KCTD20: variants seen among roughly 807,000 people sequenced by gnomAD.
KCTD20 encodes the protein potassium channel tetramerization domain containing 20.
Under a neutral mutation model 39.6 loss-of-function variants are expected in KCTD20, and 30 were observed. The ratio of observed to expected loss-of-function variants is 0.76; its 90% CI spans 0.57 to 1.03. KCTD20 has a LOEUF of 1.03. Among genes scored for constraint, KCTD20 ranks in the 50% least tolerant of loss-of-function variants. KCTD20 has a pLI of 0.00. For missense variants in KCTD20, 422 were observed against 522.0 expected, an observed-to-expected ratio of 0.81 and a Z score of 1.87; for synonymous variants, 162 against 180.6, an observed-to-expected ratio of 0.90 and a Z score of 0.83.
intron 1 of KCTD20, among the ~76,000 whole-genome samples, chr6:36,460,700 G>A (rs1449184747): frequency 6.6e-6 from 1 of 152,158 alleles, no homozygotes; most frequent in Non-Finnish European, 1.5e-5. Flanking sequence ...TATTTAAAGA[G>A]GAAAGGTGCT....
intron 1 of KCTD20, among the ~76,000 whole-genome samples, chr6:36,458,448 G>A (rs181863582): frequency 1.6e-3 from 236 of 150,594 alleles, no homozygotes; most frequent in Middle Eastern, 6.9e-3. Flanking sequence ...GGCTAAGGCA[G>A]GAGAATTGCT....
chr6:36,447,889 G>A (rs1775100074), intron 1 of KCTD20, among the ~76,000 whole-genome samples: 1 of 151,440 alleles, frequency 6.6e-6, no homozygotes, highest in Admixed American at 6.6e-5. Flanking sequence ...TACTCTGGAG[G>A]CCAGGGCAGG....
At position 36,474,959 on chromosome 6, in the gene KCTD20, T is replaced by C; in HGVS notation, c.331T>C (p.Ser111Pro). 6.2e-7 allele frequency: 1 copy of C among 1,614,120 alleles called. No individual in the cohort carries two copies. ...CAGTAGTGTGGGCTTTGGCAGTAAT[T>C]CCCATTCCCAAGCACCAGAGAAAGT... Reference protein sequence around the residue: ...GNSSVGFGSNSHSQAPEKVTL... With the variant: ...GNSSVGFGSNPHSQAPEKVTL... Residue 111 changes from serine to proline, a missense_variant, in exon 3 of 8, where the codon TCC (serine) becomes CCC (proline). Physicochemically the swap from Ser to Pro is moderately conservative, Grantham distance 74. Coordinates refer to ENST00000373731, the MANE Select transcript of KCTD20 (RefSeq NM_173562.5).
chr6:36,475,150 A>G (rs1469208567), intron 3 of KCTD20, 88 bp downstream of exon 3: 1 of 1,426,508 alleles, frequency 7.0e-7, no homozygotes, highest in East Asian at 2.3e-5. Context: ...TATAACAGTA[A>G]AAAGTATTGT....
intron 1 of KCTD20, among the ~76,000 whole-genome samples, chr6:36,450,635 C>T (rs2127428893): frequency 6.6e-6 from 1 of 152,238 alleles, no homozygotes; most frequent in East Asian, 1.9e-4. Flanking sequence ...CTTTTGTATA[C>T]CCTGAGAAGC....
intron 1 of KCTD20, among the ~76,000 whole-genome samples, chr6:36,458,603 G>C (rs1775510457): frequency 6.6e-6 from 1 of 150,806 alleles, no homozygotes; most frequent in Admixed American, 6.6e-5. Context: ...GGCTGGTCTT[G>C]AACTCCTGGG....
At chr6:36,448,921 A>T (rs1470345618) in intron 1 of KCTD20, among the ~76,000 whole-genome samples, 1 of 151,166 alleles carries the variant, frequency 6.6e-6, no homozygotes, top group Non-Finnish European at 1.5e-5. Flanking sequence ...AGTGAGTGTT[A>T]CAGCTCTTAA....
At chr6:36,476,378 C>T (rs1776061937) in intron 3 of KCTD20, among the ~76,000 whole-genome samples, 1 of 151,460 alleles carries the variant, frequency 6.6e-6, no homozygotes, top group South Asian at 2.1e-4. Flanking sequence ...TAAATAGAAT[C>T]CAGCCATTCA....
At chr6:36,486,503 G>A in intron 7 of KCTD20, among the ~76,000 whole-genome samples, 1 of 152,044 alleles carries the variant, frequency 6.6e-6, no homozygotes, top group East Asian at 1.9e-4. Flanking sequence ...TTCTCATATA[G>A]TATGCCCTCT....
intron 1 of KCTD20, among the ~76,000 whole-genome samples, chr6:36,443,923 T>G (rs907499096): frequency 1.3e-5 from 2 of 152,238 alleles, no homozygotes; most frequent in Non-Finnish European, 2.9e-5. Flanking sequence ...TCCTTAGTTT[T>G]GTTCCTGTTC....
intron 1 of KCTD20, among the ~76,000 whole-genome samples, chr6:36,463,483 GAGA>G (rs1256724501): frequency 6.6e-6 from 1 of 152,184 alleles, no homozygotes; most frequent in Non-Finnish European, 1.5e-5. Context: ...TGTCTGCAAA[GAGA>G]AACATTAAAG....
At position 36,474,856 on chromosome 6, in the gene KCTD20, A is replaced by G; in HGVS notation, c.228A>G (p.Glu76=). 1 of 1,614,222 alleles carries G rather than the reference A, an allele frequency of 6.2e-7. No individual in the cohort carries two copies. Among genetic ancestry groups the G allele is most frequent in the South Asian group, 1.1e-5 (1 of 91,078 alleles). The change falls in exon 3 of 8, where the codon GAA becomes GAG. Residue 76 remains glutamate (E), a synonymous_variant. Coordinates refer to ENST00000373731, the MANE Select transcript of KCTD20 (RefSeq NM_173562.5). ...TCCCTCACATAATGCCCCTTGCTGA[A>G]GACATCAAAGGTTCTTGCTTCCAAA... ...LQFPHIMPLA[E]DIKGSCFQSG... is the part of the protein sequence containing the mutation.
At chr6:36,471,377 A>G (rs1393738225) in intron 2 of KCTD20, among the ~76,000 whole-genome samples, 1 of 152,192 alleles carries the variant, frequency 6.6e-6, no homozygotes, top group Non-Finnish European at 1.5e-5. Context: ...GTTTTTGTAA[A>G]TAAAATTTTA....
intron 1 of KCTD20, among the ~76,000 whole-genome samples, chr6:36,454,464 C>T (rs2127432414): frequency 6.6e-6 from 1 of 151,866 alleles, no homozygotes; most frequent in East Asian, 1.9e-4. Flanking sequence ...GCCTCAGCCT[C>T]CTGAGTAGCT....
At chr6:36,455,267 G>A (rs889417940) in intron 1 of KCTD20, among the ~76,000 whole-genome samples, 1 of 152,086 alleles carries the variant, frequency 6.6e-6, no homozygotes, top group Non-Finnish European at 1.5e-5. Flanking sequence ...AATTAGCTGG[G>A]TGTGGTGGCA....
At position 36,464,184 on chromosome 6, in the gene KCTD20, A is replaced by G. The variant is rs74609440; in HGVS notation, c.-46-5868A>G. On this transcript the variant is annotated intron_variant, in intron 1 of 7. Transcript: ENST00000373731. ...ACCTAAACTTAGTAGGTTTATTGTT[A>G]CTAGTAATTTGACATTATAATTCTG... Among the ~76,000 whole-genome samples, 1,013 of 152,308 alleles carry G rather than the reference A, an allele frequency of 6.7e-3. 5 individuals carry two copies. Among genetic ancestry groups the G allele is most frequent in the African/African-American group, 0.019 (788 of 41,560 alleles).
At chr6:36,472,374 AAAT>A (rs1307544325) in intron 2 of KCTD20, among the ~76,000 whole-genome samples, 1 of 152,202 alleles carries the variant, frequency 6.6e-6, no homozygotes, top group Admixed American at 6.5e-5. Flanking sequence ...ATCTACAAAC[AAAT>A]GGGAAAAAAA....
intron 2 of KCTD20, among the ~76,000 whole-genome samples, chr6:36,473,727 C>G (rs1198682038): frequency 6.6e-6 from 1 of 151,754 alleles, no homozygotes; most frequent in South Asian, 2.1e-4. Flanking sequence ...GAGCTGAGAT[C>G]GCGCCACTGC....
chr6:36,463,892 A>G (rs1214666983), intron 1 of KCTD20, among the ~76,000 whole-genome samples: 1 of 152,220 alleles, frequency 6.6e-6, no homozygotes, highest in Admixed American at 6.5e-5. Flanking sequence ...TTGAGAGGGA[A>G]AAAGGGGAAG....
Sources: gnomAD v4.1 joint callset for allele counts (sites outside exome capture counted in the v4.1 genomes callset) on GRCh38, gnomAD v4.1.1 for gene constraint, MANE v1.5 for transcripts, NCBI Gene and HGNC (gene_info 2026-07-23, HGNC 2026-07-21) for gene names.